The following ANKRD17 variants were observed in gnomAD, a reference collection of about 807,000 sequenced individuals.
ANKRD17 encodes ankyrin repeat domain-containing protein 17.
Under a neutral mutation model 229.7 loss-of-function variants are expected in ANKRD17, and 19 were observed. The observed-to-expected ratio is 0.08, with a 90% CI of 0.06 to 0.12. ANKRD17 has a LOEUF of 0.12. Ranked by LOEUF, ANKRD17 falls within the 10% of genes least tolerant of loss-of-function variation. The pLI, the probability that ANKRD17 is intolerant of heterozygous loss-of-function variation, is 1.00. For synonymous variants in ANKRD17, 1,112 were observed against 1,146.1 expected (o/e 0.97, Z 0.60); for missense variants, 2,176 against 3,176.8 (o/e 0.68, Z 7.57).
intron 16 of ANKRD17, among the ~76,000 whole-genome samples, chr4:73,131,881 T>C (rs1457074064): frequency 6.6e-6 from 1 of 152,202 alleles, no homozygotes; most frequent in African/African-American, 2.4e-5. Flanking sequence ...GATCTAAGTA[T>C]TAAAGAATGT....
intron 1 of ANKRD17, among the ~76,000 whole-genome samples, chr4:73,187,352 C>T (rs943518884): frequency 6.6e-6 from 1 of 152,066 alleles, no homozygotes. Context: ...CAGTATAATA[C>T]AACGTATTTT....
In ANKRD17 at chr4:73,226,389, G is replaced by GTTTTTTTTT. The variant is rs1157719883; in HGVS notation, c.393+31878_393+31886dup. ...TAATAGTAATAATTTCTTTTCTTCT[G>GTTTTTTTTT]TTTTTTTTTTTTTTTTTTTTTTTGA... is the stretch of plus-strand genomic sequence containing the variant. On this transcript the variant is annotated intron_variant, in intron 1 of 33. Coordinates refer to ENST00000358602, the MANE Select transcript of ANKRD17 (RefSeq NM_032217.5). 1.8e-4 allele frequency among the ~76,000 whole-genome samples: 16 copies of GTTTTTTTTT among 87,614 alleles called. 1 individual carries two copies. Among genetic ancestry groups the GTTTTTTTTT allele is most frequent in the Admixed American group, 3.4e-4 (2 of 5,874 alleles). 57.5% of individuals were successfully genotyped at this position (87,614 alleles called of 152,430 possible).
Position 73,094,212 on chromosome 4 carries a change from C to T in ANKRD17, c.5194G>A (p.Val1732Ile). ...ACTCTGGATATCACAGTTGATGGAA[C>T]AGATACTTTCTTTGACCTGTTTAAA... ...EVVRRSKKVSVPSTVISRVIG... is the reference protein window; with the variant it reads ...EVVRRSKKVSIPSTVISRVIG... Residue 1732 changes from valine (V) to isoleucine (I), a missense_variant, in exon 28 of 34, where the codon GTT becomes ATT. Around this residue, in one of 18 missense-constraint regions of ANKRD17, gnomAD observed 27 missense variants for 89.2 expected, o/e 0.30. Transcript: ENST00000358602. The T allele has an allele frequency of 6.2e-7, 1 of 1,613,332 alleles. No individual in the cohort carries two copies. Among genetic ancestry groups the T allele is most frequent in the Non-Finnish European group, 8.5e-7 (1 of 1,179,508 alleles).
At chr4:73,123,807 T>A (rs1411195648) in intron 18 of ANKRD17, among the ~76,000 whole-genome samples, 3 of 151,462 alleles carry the variant, frequency 2.0e-5, no homozygotes, top group South Asian at 2.1e-4. Flanking sequence ...TGGGGGGAAG[T>A]GGGGGGAAAA....
intron 18 of ANKRD17, among the ~76,000 whole-genome samples, chr4:73,123,970 C>G (rs1023862084): frequency 6.6e-6 from 1 of 150,762 alleles, no homozygotes; most frequent in African/African-American, 2.4e-5. Flanking sequence ...GGCTAACAAC[C>G]GAAACAAGAC....
chr4:73,186,608 G>A (rs903374233), intron 1 of ANKRD17, among the ~76,000 whole-genome samples: 1 of 152,040 alleles, frequency 6.6e-6, no homozygotes, highest in African/African-American at 2.4e-5. Flanking sequence ...TAGCACTTTC[G>A]TAAAACGTGA....
At chr4:73,191,334 AATAT>A (rs1342812575) in intron 1 of ANKRD17, among the ~76,000 whole-genome samples, 1 of 84,714 alleles carries the variant, frequency 1.2e-5, no homozygotes, top group Non-Finnish European at 2.6e-5. Context: ...CCTACCAAAA[AATAT>A]ATATGTGTGT....
At chr4:73,257,764 A>T (rs563489816) in intron 1 of ANKRD17, among the ~76,000 whole-genome samples, 3 of 152,168 alleles carry the variant, frequency 2.0e-5, no homozygotes, top group South Asian at 2.1e-4. Flanking sequence ...TCCCTCACAT[A>T]CACAAACACT....
At chr4:73,096,983 G>T in intron 27 of ANKRD17, 134 bp downstream of exon 27, 1 of 1,033,398 alleles carries the variant, frequency 9.7e-7, no homozygotes. Context: ...GGCTCTCTCT[G>T]TTGGTCAAAT....
intron 1 of ANKRD17, among the ~76,000 whole-genome samples, chr4:73,206,258 A>G (rs1325420123): frequency 1.3e-5 from 2 of 152,198 alleles, no homozygotes; most frequent in Non-Finnish European, 2.9e-5. Context: ...AAATGAAATC[A>G]GTCATACTGA....
In ANKRD17 at chr4:73,239,013, C is replaced by T. The variant is rs566576340; in HGVS notation, c.393+19263G>A. ...ACCAATTAGAATTGTGGCTGGCACA[C>T]AGTAAGCACTCACTAAACTATTACT... On this transcript the variant is annotated intron_variant, in intron 1 of 33. Coordinates refer to ENST00000358602, the MANE Select transcript of ANKRD17 (RefSeq NM_032217.5). Among the ~76,000 whole-genome samples the T allele has an allele frequency of 4.6e-5, 7 of 152,268 alleles. No individual in the cohort carries two copies. The East Asian group carries it at 1.4e-3, about 29-fold the overall frequency.
intron 5 of ANKRD17, among the ~76,000 whole-genome samples, chr4:73,155,078 CTGAA>C (rs1421137907): frequency 6.6e-6 from 1 of 151,150 alleles, no homozygotes; most frequent in African/African-American, 2.4e-5. Context: ...TTTGAAAAAT[CTGAA>C]TGAAGGAAAT....
At chr4:73,081,699 TAAA>T (rs1420314777) in intron 30 of ANKRD17, among the ~76,000 whole-genome samples, 1 of 151,954 alleles carries the variant, frequency 6.6e-6, no homozygotes, top group Admixed American at 6.6e-5. Context: ...AAATTACAAA[TAAA>T]AAAATCATGT....
chr4:73,142,359 T>A lies in ANKRD17; in HGVS notation c.2112A>T (p.Ala704=). ...CAACACTTGTATGGCCACCTTTTGC[T>A]GCTTCTATCAACATAGTTGAGCCAT... ...LKDGSTMLIE[A]AKGGHTSVVC... The change falls in exon 13 of 34, where the codon GCA becomes GCT. Residue 704 remains alanine, a synonymous_variant. Coordinates refer to ENST00000358602, the MANE Select transcript of ANKRD17 (RefSeq NM_032217.5). 1 of 1,587,832 alleles carries A rather than the reference T, an allele frequency of 6.3e-7. No homozygotes were observed. The highest frequency in any genetic ancestry group is 8.5e-7 in the Non-Finnish European group (1 of 1,174,298).
At chr4:73,237,980 T>C (rs1375508977) in intron 1 of ANKRD17, among the ~76,000 whole-genome samples, 1 of 151,812 alleles carries the variant, frequency 6.6e-6, no homozygotes, top group East Asian at 1.9e-4. Context: ...CTAAAACAAT[T>C]AACCAAAATG....
chr4:73,242,042 T>C (rs1459024745), intron 1 of ANKRD17, among the ~76,000 whole-genome samples: 1 of 152,120 alleles, frequency 6.6e-6, no homozygotes. Context: ...TTATACTTAG[T>C]AGTAAAACAA....
At chr4:73,239,697 A>C (rs1743835397) in intron 1 of ANKRD17, among the ~76,000 whole-genome samples, 1 of 152,176 alleles carries the variant, frequency 6.6e-6, no homozygotes, top group Non-Finnish European at 1.5e-5. Flanking sequence ...TCTACTGTTT[A>C]AATTTTCAGT....
chr4:73,195,914 T>A (rs1274948772), intron 1 of ANKRD17, among the ~76,000 whole-genome samples: 1 of 152,126 alleles, frequency 6.6e-6, no homozygotes, highest in Non-Finnish European at 1.5e-5. Flanking sequence ...ATTTTTTCAC[T>A]GCCAGTGTTA....
Position 73,097,269 on chromosome 4 carries a change from C to A in ANKRD17, c.5025G>T (p.Leu1675Phe), listed in dbSNP as rs772912608. Reference sequence around the variant, plus strand: ...TGGTCCCTTCACTGATAGTTTCTGACAATCTTTAACAAAGAGAGGGAAAGT... The same window carrying A: ...TGGTCCCTTCACTGATAGTTTCTGAAAATCTTTAACAAAGAGAGGGAAAGT... ...KSVSGKASIK[L>F]SETISEGTSN... is the part of the protein sequence containing the mutation. Residue 1675 changes from leucine (L) to phenylalanine (F), a missense_variant, in exon 27 of 34, where the codon TTG (leucine) becomes TTT (phenylalanine). By Grantham distance (22) the Leu-to-Phe change is conservative. Coordinates refer to ENST00000358602, the MANE Select transcript of ANKRD17 (RefSeq NM_032217.5). 4 of 1,564,692 alleles carry A rather than the reference C, an allele frequency of 2.6e-6. No individual in the cohort carries two copies. In the South Asian group the frequency reaches 4.9e-5, roughly 19 times the overall value.
Sources: allele counts gnomAD v4.1 joint callset (sites outside exome capture counted in the v4.1 genomes callset), GRCh38; gene constraint gnomAD v4.1.1; regional missense constraint gnomAD v4.1.1; transcripts MANE v1.5; gene names NCBI Gene and HGNC (gene_info 2026-07-23, HGNC 2026-07-21).